Variants in MAU2 observed in about 807,000 individuals in gnomAD.
MAU2 encodes MAU2 chromatid cohesion factor homolog.
In MAU2, 9 loss-of-function variants were observed where a neutral mutation model predicts 89.1. The ratio of observed to expected loss-of-function variants is 0.10; its 90% CI spans 0.06 to 0.18. The LOEUF (loss-of-function observed/expected upper bound fraction) is 0.18. MAU2 is among the 10% of genes least tolerant of loss of function. The pLI, the probability that MAU2 is intolerant of heterozygous loss-of-function variation, is 1.00. For missense variants in MAU2, 425 were observed against 803.5 expected, an observed-to-expected ratio of 0.53 and a Z score of 5.69; for synonymous variants, 357 against 343.4, an observed-to-expected ratio of 1.04 and a Z score of -0.44.
intron 12 of MAU2, chr19:19,346,912 T>C (rs1382252001): frequency 4.8e-6 from 1 of 210,506 alleles, no homozygotes; most frequent in East Asian, 1.3e-4. Context: ...GCATATGCCT[T>C]GATGGCAGTG....
At position 19,338,652 on chromosome 19, in the gene MAU2, A is replaced by T. The variant is rs748944408; in HGVS notation, c.457-193A>T. ...ATTCAGTTTAGATGACATATATACT[A>T]CAGGCCAACTGGAGCTGTGTACCCA... is the stretch of plus-strand genomic sequence containing the variant. On this transcript the variant is annotated intron_variant, in intron 4 of 18. Coordinates refer to ENST00000262815, the MANE Select transcript of MAU2 (RefSeq NM_015329.4). 3.3e-5 allele frequency among the ~76,000 whole-genome samples: 5 copies of T among 152,382 alleles called. No individual in the cohort carries two copies. The South Asian group carries it at 1.0e-3, about 32-fold the overall frequency.
At chr19:19,348,426 T>G in intron 13 of MAU2, 1 of 257,094 alleles carries the variant, frequency 3.9e-6, no homozygotes, top group South Asian at 4.1e-5. Context: ...CTCGCAGTGT[T>G]GAGGAGGAGT....
chr19:19,355,343 C>T lies in MAU2; in HGVS notation c.1719C>T (p.Leu573=), dbSNP rs764621118. The T allele has an allele frequency of 1.1e-5, 18 of 1,613,972 alleles. 1 individual carries two copies. The highest frequency in any genetic ancestry group is 1.3e-5 in the African/African-American group (1 of 74,918). ...QMHQNFSQQL[L]QDHIEACSLP... is the part of the protein sequence containing the mutation. ...ACCAGAACTTCTCGCAGCAGCTGCT[C>T]CAGGACCACATTGAGGCCTGCAGCC... is the stretch of plus-strand genomic sequence containing the variant. Residue 573 remains leucine (L), a synonymous_variant, in exon 18 of 19, where the codon CTC becomes CTT. Transcript: ENST00000262815.
intron 14 of MAU2, 51 bp downstream of exon 14, chr19:19,348,989 TTTGG>T: frequency 6.2e-7 from 1 of 1,601,020 alleles, no homozygotes; most frequent in South Asian, 1.1e-5. Context: ...CCCCGTGCTC[TTTGG>T]TTGGGGCCCC....
chr19:19,340,802 C>T, intron 5 of MAU2, 44 bp from the exon 6 acceptor site: 3 of 1,609,756 alleles, frequency 1.9e-6, no homozygotes, highest in Non-Finnish European at 2.5e-6. Context: ...TCCCAGGAGG[C>T]TCCTGGGCCT....
intron 1 of MAU2, among the ~76,000 whole-genome samples, chr19:19,332,160 A>G (rs867406594): frequency 3.9e-5 from 6 of 152,092 alleles, no homozygotes; most frequent in African/African-American, 1.4e-4. Flanking sequence ...GTCAAACATC[A>G]TGGGGCTTTT....
In MAU2 at chr19:19,357,574, T is replaced by A. The variant is rs576390984; in HGVS notation, c.*1792T>A. 5.2e-4 allele frequency: 80 copies of A among 152,682 alleles called. No individual in the cohort carries two copies. Among genetic ancestry groups the A allele is most frequent in the African/African-American group, 1.9e-3 (77 of 41,522 alleles). 9.5% of individuals were successfully genotyped at this position (152,682 alleles called of 1,614,324 possible). A position where few individuals can be genotyped will look rare whatever the true frequency, so the allele number is the denominator to read the frequency against. On this transcript the variant is annotated 3_prime_UTR_variant, in exon 19 of 19. Transcript: ENST00000262815. ...ACGGCGTGCATCATGTTCATCCCCA[T>A]CTATTTATTTAAGCCTTTCTTTGCT...
At chr19:19,321,381 C>T (rs937193938) in intron 1 of MAU2, 14 of 468,482 alleles carry the variant, frequency 3.0e-5, no homozygotes, top group Middle Eastern at 1.1e-3. Context: ...GGAGCCCCGT[C>T]ACCGTACTCT....
intron 1 of MAU2, chr19:19,334,283 A>G (rs2061579026): frequency 1.0e-6 from 1 of 985,484 alleles, no homozygotes; most frequent in Non-Finnish European, 1.2e-6. Flanking sequence ...AGAGGGGACC[A>G]CAGGAGGCAG....
intron 12 of MAU2, chr19:19,347,020 T>A (rs1007588410): frequency 2.2e-6 from 1 of 445,302 alleles, no homozygotes; most frequent in Non-Finnish European, 4.1e-6. Context: ...AAACCCGACA[T>A]GTTCTGAGGG....
At chr19:19,328,247 C>G (rs1352818380) in intron 1 of MAU2, among the ~76,000 whole-genome samples, 1 of 151,782 alleles carries the variant, frequency 6.6e-6, no homozygotes, top group Non-Finnish European at 1.5e-5. Context: ...CTCTTGTTCT[C>G]TCTCTTCTTG....
At chr19:19,336,003 C>T in intron 2 of MAU2, 119 bp from the exon 3 acceptor site, 1 of 775,372 alleles carries the variant, frequency 1.3e-6, no homozygotes, top group East Asian at 2.5e-5. Context: ...CTTGGAATTT[C>T]AGGGCAGGCA....
At chr19:19,353,169 G>A (rs140144508) in intron 16 of MAU2, 3 of 152,322 alleles carry the variant, frequency 2.0e-5, no homozygotes, top group Non-Finnish European at 2.9e-5. Context: ...CCACAAGAGC[G>A]GGACACCCCC....
At position 19,358,751 on chromosome 19, in the gene MAU2, G is replaced by A. The variant is rs1016798251; in HGVS notation, c.*2969G>A. 6.6e-6 allele frequency: 1 copy of A among 152,230 alleles called. No individual in the cohort carries two copies. Among genetic ancestry groups the A allele is most frequent in the African/African-American group, 2.4e-5 (1 of 41,450 alleles). The allele number at this position is 152,230 out of a possible 1,614,324, so 9.4% of individuals were successfully genotyped here. On this transcript the variant is annotated 3_prime_UTR_variant, in exon 19 of 19. Coordinates refer to ENST00000262815, the MANE Select transcript of MAU2 (RefSeq NM_015329.4). ...ATTCAAAGTAAAATGACTTACAGGA[G>A]CCACGTGCTGTGTCTTTGTTGTTTC...
chr19:19,347,377 T>C lies in MAU2; in HGVS notation c.1308+11T>C. On this transcript the variant is annotated intron_variant, in intron 13 of 18. Coordinates refer to ENST00000262815, the MANE Select transcript of MAU2 (RefSeq NM_015329.4). Reference sequence around the variant, plus strand: ...AGACACCAAGAGGTAGTAGGTGACATGCTTCATGTTCGGTATCCTTTCTCT... The same window carrying C: ...AGACACCAAGAGGTAGTAGGTGACACGCTTCATGTTCGGTATCCTTTCTCT... 1 of 1,600,290 alleles carries C rather than the reference T, an allele frequency of 6.2e-7. No individual in the cohort carries two copies. Among genetic ancestry groups the C allele is most frequent in the Non-Finnish European group, 8.6e-7 (1 of 1,167,668 alleles).
At position 19,333,253 on chromosome 19, in the gene MAU2, G is replaced by A. The variant is rs544078058; in HGVS notation, c.277-2465G>A. Among the ~76,000 whole-genome samples the A allele has an allele frequency of 1.2e-4, 18 of 152,276 alleles. No homozygotes were observed. In the East Asian group the frequency reaches 2.7e-3, roughly 23 times the overall value. Reference sequence around the variant, plus strand: ...TAATCCCAGCACCTTTGAAGCCCAAGACAGGAGAATCACTCAAGCCTAGGA... The same window carrying A: ...TAATCCCAGCACCTTTGAAGCCCAAAACAGGAGAATCACTCAAGCCTAGGA... On this transcript the variant is annotated intron_variant, in intron 1 of 18. Transcript: ENST00000262815.
chr19:19,332,675 TC>T (rs2061565461), intron 1 of MAU2, among the ~76,000 whole-genome samples: 1 of 152,052 alleles, frequency 6.6e-6, no homozygotes, highest in Admixed American at 6.6e-5. Context: ...ACTGAGAGCC[TC>T]CCCTTCCTCA....
intron 5 of MAU2, among the ~76,000 whole-genome samples, chr19:19,340,406 G>A (rs183812472): frequency 0.034 from 5,116 of 151,912 alleles, 306 homozygotes; most frequent in African/African-American, 0.12. Flanking sequence ...TTGGGAGGCC[G>A]AGGCGGGTGG....
In MAU2 at chr19:19,326,706, A is replaced by ATATATATATACACGTATATATATGTG. The variant is rs1555792839; in HGVS notation, c.276+5581_276+5582insCACGTATATATATGTGTATATATATA. On this transcript the variant is annotated intron_variant, in intron 1 of 18. Transcript: ENST00000262815. ...CTCAAAAAAAAATATATATATGTAT[A>ATATATATATACACGTATATATATGTG]TATATATATATATACATATATATAT... 6.2e-4 allele frequency among the ~76,000 whole-genome samples: 54 copies of ATATATATATACACGTATATATATGTG among 86,980 alleles called. 3 individuals carry two copies. Among genetic ancestry groups the ATATATATATACACGTATATATATGTG allele is most frequent in the East Asian group, 1.2e-3 (3 of 2,594 alleles). 57.1% of individuals were successfully genotyped at this position (86,980 alleles called of 152,430 possible). A position where few individuals can be genotyped will look rare whatever the true frequency, so the allele number is the denominator to read the frequency against.
Sources: gnomAD v4.1 joint callset for allele counts (sites outside exome capture counted in the v4.1 genomes callset) on GRCh38, gnomAD v4.1.1 for gene constraint, MANE v1.5 for transcripts, NCBI Gene and HGNC (gene_info 2026-07-23, HGNC 2026-07-21) for gene names.